Variants in SLC28A3 observed in about 807,000 individuals in gnomAD.
SLC28A3 encodes solute carrier family 28 member 3, also known as concentrative Na(+)-nucleoside cotransporter 3.
In SLC28A3, 68 loss-of-function variants were observed where a neutral mutation model predicts 84.2. That is an observed-to-expected ratio of 0.81 (90% CI 0.66 to 0.99). The LOEUF is 0.99. SLC28A3 is among the 50% of genes least tolerant of loss of function. The pLI, the probability that SLC28A3 is intolerant of heterozygous loss-of-function variation, is 0.00. For synonymous variants in SLC28A3, 267 were observed against 303.6 expected (o/e 0.88, Z 1.25); for missense variants, 712 against 841.5 (o/e 0.85, Z 1.90).
intron 8 of SLC28A3, among the ~76,000 whole-genome samples, chr9:84,296,720 GGA>G (rs149225398): frequency 0.082 from 12,474 of 152,128 alleles, 1,670 homozygotes; most frequent in African/African-American, 0.28. Context: ...CTATGCTGAA[GGA>G]GAGATGAGAA....
chr9:84,295,449 G>A (rs781678829), intron 8 of SLC28A3, among the ~76,000 whole-genome samples: 6 of 152,092 alleles, frequency 3.9e-5, no homozygotes, highest in African/African-American at 1.2e-4. Flanking sequence ...GCCAGGCGTG[G>A]TGGCACACTC....
At chr9:84,300,268 A>G (rs957399425) in intron 5 of SLC28A3, among the ~76,000 whole-genome samples, 16 of 152,218 alleles carry the variant, frequency 1.1e-4, no homozygotes, top group Non-Finnish European at 1.9e-4. Context: ...CACCTGTTCA[A>G]GGATGCACAA....
intron 8 of SLC28A3, among the ~76,000 whole-genome samples, chr9:84,295,514 G>A (rs1825380734): frequency 6.6e-6 from 1 of 152,130 alleles, no homozygotes; most frequent in South Asian, 2.1e-4. Flanking sequence ...GAACCTGGGA[G>A]GCAGAAGTTG....
intron 4 of SLC28A3, 72 bp from the exon 5 acceptor site, chr9:84,302,461 T>C (rs1825669931): frequency 6.7e-7 from 1 of 1,500,768 alleles, no homozygotes; most frequent in South Asian, 1.2e-5. Flanking sequence ...CCAGCCTTGT[T>C]CTGGCGCAGG....
At chr9:84,287,253 G>A (rs1460027781) in intron 12 of SLC28A3, among the ~76,000 whole-genome samples, 1 of 152,130 alleles carries the variant, frequency 6.6e-6, no homozygotes, top group African/African-American at 2.4e-5. Context: ...TTGGTAACTT[G>A]CTTTTTCGCT....
rs543574325 is a variant in SLC28A3, at chr9:84,302,220, G to A, written c.504C>T (p.Ser168=). The change falls in exon 5 of 18, where the codon AGC becomes AGT. Residue 168 remains serine (S), a synonymous_variant. Coordinates refer to ENST00000376238, the MANE Select transcript of SLC28A3 (RefSeq NM_001199633.2). ...MLSPGRRLLN[S]HWFWLKWVIW... ...TTTACCACTTCAGCCAGAACCAATGGCTGTTTAGAAGCCTTCTGCCAGGAG... is the reference window on the plus strand; with the variant it reads ...TTTACCACTTCAGCCAGAACCAATGACTGTTTAGAAGCCTTCTGCCAGGAG... 1 of 1,614,068 alleles carries A rather than the reference G, an allele frequency of 6.2e-7. No individual in the cohort carries two copies. The highest frequency in any genetic ancestry group is 8.5e-7 in the Non-Finnish European group (1 of 1,179,996).
At chr9:84,341,788 G>A (rs1827163442), upstream of SLC28A3, among the ~76,000 whole-genome samples, 2 of 151,550 alleles carry the variant, frequency 1.3e-5, no homozygotes, top group South Asian at 4.2e-4. Context: ...TTAAAATAGG[G>A]ATTTTCCCCC....
chr9:84,281,466 A>C (rs1588556625), intron 14 of SLC28A3, among the ~76,000 whole-genome samples: 1 of 152,240 alleles, frequency 6.6e-6, no homozygotes, highest in Non-Finnish European at 1.5e-5. Context: ...CTATGCCTCC[A>C]CTAAAATTAA....
chr9:84,331,046 A>C (rs17087115), intron 1 of SLC28A3, among the ~76,000 whole-genome samples: 16,699 of 152,154 alleles, frequency 0.11, 2,879 homozygotes, highest in African/African-American at 0.37. Flanking sequence ...GGAGTGTTTG[A>C]ATGAGGAAAA....
intron 1 of SLC28A3, among the ~76,000 whole-genome samples, chr9:84,337,886 G>A (rs1350828774): frequency 6.6e-6 from 1 of 152,154 alleles, no homozygotes; most frequent in Non-Finnish European, 1.5e-5. Context: ...CTTTCTTGGA[G>A]GTGAGATCAT....
rs548037355 is a variant in SLC28A3 at position 84,279,915 on chromosome 9, T to C, written c.1828+60A>G. 1.2e-4 allele frequency: 179 copies of C among 1,541,494 alleles called. 3 individuals carry two copies. The East Asian group carries it at 3.6e-3, about 31-fold the overall frequency. ...GCACATGCAAGCTGGAGGCACTGCCTGTCCTGAAAGCTGCCATTCATCCTG... is the reference window on the plus strand; with the variant it reads ...GCACATGCAAGCTGGAGGCACTGCCCGTCCTGAAAGCTGCCATTCATCCTG... On this transcript the variant is annotated intron_variant, in intron 16 of 17. Coordinates refer to ENST00000376238, the MANE Select transcript of SLC28A3 (RefSeq NM_001199633.2).
chr9:84,285,470 C>G lies in SLC28A3; in HGVS notation c.1522G>C (p.Ala508Pro). The stretch of plus-strand genomic sequence containing the variant: ...AAGGTCTTATAACCTATGAGTCTGG[C>G]AACCATAAAGCTGTCCTGCCATTCC... Reference protein sequence around the residue: ...GVEWQDSFMVARLIGYKTFFN... With the variant: ...GVEWQDSFMVPRLIGYKTFFN... Residue 508 changes from alanine (A) to proline (P), a missense_variant, in exon 14 of 18, where the codon GCC becomes CCC. By Grantham distance (27) the Ala-to-Pro change is conservative. Transcript: ENST00000376238. 1 of 1,614,160 alleles carries G rather than the reference C, an allele frequency of 6.2e-7. No individual in the cohort carries two copies. Among genetic ancestry groups the G allele is most frequent in the Non-Finnish European group, 8.5e-7 (1 of 1,180,020 alleles).
At chr9:84,324,752 A>C (rs1355609938) in intron 1 of SLC28A3, among the ~76,000 whole-genome samples, 1 of 152,186 alleles carries the variant, frequency 6.6e-6, no homozygotes, top group Non-Finnish European at 1.5e-5. Context: ...ATGACCGTAC[A>C]TCTTCATAGG....
At position 84,288,134 on chromosome 9, in the gene SLC28A3, A is replaced by T. The variant is rs764905616; in HGVS notation, c.1194T>A (p.Pro398=). The T allele has an allele frequency of 1.3e-5, 21 of 1,614,006 alleles. No individual in the cohort carries two copies. Among genetic ancestry groups the T allele is most frequent in the Non-Finnish European group, 8.5e-7 (1 of 1,179,986 alleles). The change falls in exon 12 of 18, where the codon CCT becomes CCA. Residue 398 remains proline, a synonymous_variant. Transcript: ENST00000376238. ...HLLTASVMSA[P]ASLAAAKLFW... ...AGAGTTTAGCAGCAGCCAATGACGC[A>T]GGTGCTGACATAACTGACGCTGTTA...
At chr9:84,344,542 G>A (rs984399737), upstream of SLC28A3, among the ~76,000 whole-genome samples, 6 of 151,878 alleles carry the variant, frequency 4.0e-5, no homozygotes, top group South Asian at 2.1e-4. Flanking sequence ...AACCTGACTC[G>A]CATAACATTA....
chr9:84,279,853 C>A lies in SLC28A3; in HGVS notation c.1828+122G>T, dbSNP rs529915925. 8 of 868,872 alleles carry A rather than the reference C, an allele frequency of 9.2e-6. No homozygotes were observed. The African/African-American group carries it at 1.0e-4, about 11-fold the overall frequency. The allele number at this position is 868,872 out of a possible 1,614,324, so 53.8% of individuals were successfully genotyped here. A position where few individuals can be genotyped will look rare whatever the true frequency, so the allele number is the denominator to read the frequency against. On this transcript the variant is annotated intron_variant, in intron 16 of 17. Coordinates refer to ENST00000376238, the MANE Select transcript of SLC28A3 (RefSeq NM_001199633.2). ...TTTAACTTTACAGTATGCTTAAGAGCAGCTCTAACTCTCAGCTTTCTGTGG... is the reference window on the plus strand; with the variant it reads ...TTTAACTTTACAGTATGCTTAAGAGAAGCTCTAACTCTCAGCTTTCTGTGG...
chr9:84,293,466 C>T (rs886718310), intron 9 of SLC28A3, among the ~76,000 whole-genome samples: 2 of 152,170 alleles, frequency 1.3e-5, no homozygotes, highest in South Asian at 2.1e-4. Flanking sequence ...CTGGTTCCCT[C>T]TCTCTCTTCT....
chr9:84,364,388 G>A, the SLC28A3 span, among the ~76,000 whole-genome samples: 3 of 151,940 alleles, frequency 2.0e-5, no homozygotes, highest in African/African-American at 7.2e-5. Context: ...GAGTCACCAC[G>A]CCTGACCTTT....
At chr9:84,306,779 A>T (rs932368859) in intron 3 of SLC28A3, among the ~76,000 whole-genome samples, 2 of 152,082 alleles carry the variant, frequency 1.3e-5, no homozygotes, top group Admixed American at 1.3e-4. Flanking sequence ...AATGGGAGTA[A>T]ATATTGCTTA....
Sources: gnomAD v4.1 joint callset for allele counts (sites outside exome capture counted in the v4.1 genomes callset) on GRCh38, gnomAD v4.1.1 for gene constraint, MANE v1.5 for transcripts, NCBI Gene and HGNC (gene_info 2026-07-23, HGNC 2026-07-21) for gene names.